The following SMIM14 variants were observed in gnomAD, a reference collection of about 807,000 sequenced individuals.
The protein encoded by SMIM14 is chromosome 4 open reading frame 34.
A neutral mutation model predicts 12.6 loss-of-function variants in SMIM14; 5 were observed. That is an observed-to-expected ratio of 0.40 (90% CI 0.21 to 0.83). The LOEUF (loss-of-function observed/expected upper bound fraction) is 0.83. Among genes scored for constraint, SMIM14 ranks in the 40% least tolerant of loss-of-function variants. SMIM14 has a pLI of 0.37. For missense variants in SMIM14, 86 were observed against 119.1 expected (o/e 0.72, Z 1.29); for synonymous variants, 30 against 40.1 (o/e 0.75, Z 0.95).
rs375724039 is a variant in SMIM14, at chr4:39,564,950, G to A, written c.124+7465C>T. ...GATTAAGCTGGGTGTGGTGGCTCAC[G>A]CCTGTAATCCCAGCACTTTGGGAAG... On this transcript the variant is annotated intron_variant, in intron 3 of 4. Coordinates refer to ENST00000295958, the MANE Select transcript of SMIM14 (RefSeq NM_174921.3). 2.2e-4 allele frequency among the ~76,000 whole-genome samples: 33 copies of A among 152,238 alleles called. 1 individual carries two copies. In the East Asian group the frequency reaches 4.6e-3, roughly 21 times the overall value.
At chr4:39,578,554 CA>C (rs1479413276) in intron 2 of SMIM14, among the ~76,000 whole-genome samples, 1 of 152,088 alleles carries the variant, frequency 6.6e-6, no homozygotes, top group East Asian at 1.9e-4. Context: ...GGATGGGTGC[CA>C]CATGTGGACA....
chr4:39,583,710 T>TTTTTCTAACACA (rs1349354833), intron 2 of SMIM14, among the ~76,000 whole-genome samples: 1 of 152,110 alleles, frequency 6.6e-6, no homozygotes, highest in African/African-American at 2.4e-5. Flanking sequence ...CGTGTACACA[T>TTTTTCTAACACA]TTTTCTAACA....
rs150449121 is a variant in SMIM14 at position 39,610,052 on chromosome 4, G to A, written c.-35-4872C>T. 3.1e-3 allele frequency among the ~76,000 whole-genome samples: 476 copies of A among 152,242 alleles called. 3 individuals carry two copies. The highest frequency in any genetic ancestry group is 0.011 in the African/African-American group (450 of 41,534). On this transcript the variant is annotated intron_variant, in intron 1 of 4. Transcript: ENST00000295958. ...GTCACCCAGGTGGGAGTGCAGTGGC[G>A]CGAACACACCTCACTGCAGCCTCAA...
At chr4:39,625,468 G>A (rs1010723101) in intron 1 of SMIM14, among the ~76,000 whole-genome samples, 1 of 151,580 alleles carries the variant, frequency 6.6e-6, no homozygotes, top group Admixed American at 6.6e-5. Flanking sequence ...TTGAGACGGA[G>A]TCTTGCTCTG....
At chr4:39,620,435 G>A (rs745751107) in intron 1 of SMIM14, among the ~76,000 whole-genome samples, 4 of 152,036 alleles carry the variant, frequency 2.6e-5, no homozygotes, top group Non-Finnish European at 4.4e-5. Context: ...GCCGGAGATC[G>A]CGCCACTGCA....
At chr4:39,619,854 ATATATTTATATATATATATATAT>A (rs1560307286) in intron 1 of SMIM14, among the ~76,000 whole-genome samples, 5 of 60,240 alleles carry the variant, frequency 8.3e-5, no homozygotes, top group East Asian at 7.5e-4. Flanking sequence ...ATATATTTAT[ATATATTTATATATATATATATAT>A]TTTTTTTTTT....
intron 1 of SMIM14, among the ~76,000 whole-genome samples, chr4:39,628,321 G>GA (rs1293905159): frequency 5.5e-5 from 8 of 145,384 alleles, no homozygotes; most frequent in Non-Finnish European, 1.1e-4. Context: ...AAAAAAAAAA[G>GA]AAAAAAAATT....
chr4:39,550,068 T>C lies in SMIM14; in HGVS notation c.*2058A>G, dbSNP rs1050827404. ...AAGGGGGGAAAATACCTTATGAGTATCACAATTGTATCAGAGACTATTAAA... is the reference window on the plus strand; with the variant it reads ...AAGGGGGGAAAATACCTTATGAGTACCACAATTGTATCAGAGACTATTAAA... On this transcript the variant is annotated 3_prime_UTR_variant, in exon 5 of 5. Transcript: ENST00000295958. 1 of 152,122 alleles carries C rather than the reference T, an allele frequency of 6.6e-6. No homozygotes were observed. Among genetic ancestry groups the C allele is most frequent in the Non-Finnish European group, 1.5e-5 (1 of 68,022 alleles). The allele number at this position is 152,122 out of a possible 1,614,324, so 9.4% of individuals were successfully genotyped here. A position where few individuals can be genotyped will look rare whatever the true frequency, so the allele number is the denominator to read the frequency against.
At chr4:39,628,340 G>C (rs533509824) in intron 1 of SMIM14, among the ~76,000 whole-genome samples, 1 of 150,428 alleles carries the variant, frequency 6.6e-6, no homozygotes, top group South Asian at 2.1e-4. Context: ...TTCTACCCAA[G>C]AATATTTACT....
At position 39,597,082 on chromosome 4, in the gene SMIM14, TC is replaced by T. The variant is rs200179857; in HGVS notation, c.75+7988del. Among the ~76,000 whole-genome samples, 907 of 142,718 alleles carry T rather than the reference TC, an allele frequency of 6.4e-3. 17 individuals are homozygous for T. Among genetic ancestry groups the T allele is most frequent in the African/African-American group, 0.019 (750 of 38,638 alleles). 93.6% of individuals were successfully genotyped at this position (142,718 alleles called of 152,430 possible). A position where few individuals can be genotyped will look rare whatever the true frequency, so the allele number is the denominator to read the frequency against. ...TGAGCCACGGTGCCCGGCCCAGGTT[TC>T]CCTTTTTTTTTTTTTTTTTTTTTAG... On this transcript the variant is annotated intron_variant, in intron 2 of 4. Coordinates refer to ENST00000295958, the MANE Select transcript of SMIM14 (RefSeq NM_174921.3).
chr4:39,609,523 A>G (rs1404658495), intron 1 of SMIM14, among the ~76,000 whole-genome samples: 1 of 152,152 alleles, frequency 6.6e-6, no homozygotes, highest in Non-Finnish European at 1.5e-5. Context: ...ACAAAGGGAA[A>G]AGAAGTACAA....
intron 1 of SMIM14, among the ~76,000 whole-genome samples, chr4:39,622,193 C>G (rs1228368276): frequency 1.3e-5 from 2 of 151,104 alleles, no homozygotes; most frequent in South Asian, 4.2e-4. Context: ...ACGCCATTCT[C>G]CTGCCTCAGC....
At chr4:39,611,382 C>T (rs911713743) in intron 1 of SMIM14, among the ~76,000 whole-genome samples, 105 of 151,896 alleles carry the variant, frequency 6.9e-4, no homozygotes, top group Admixed American at 2.8e-3. Context: ...GGCAGGTACC[C>T]GTAATCCCAG....
intron 2 of SMIM14, among the ~76,000 whole-genome samples, chr4:39,586,970 T>G (rs1265847439): frequency 6.6e-6 from 1 of 151,970 alleles, no homozygotes; most frequent in East Asian, 1.9e-4. Flanking sequence ...TCATCTCTTT[T>G]CTGTCTCTTC....
At chr4:39,586,653 G>A (rs1247384763) in intron 2 of SMIM14, among the ~76,000 whole-genome samples, 1 of 151,966 alleles carries the variant, frequency 6.6e-6, no homozygotes, top group African/African-American at 2.4e-5. Context: ...ATATCAGCTT[G>A]TTCTAGCATG....
chr4:39,547,713 C>T lies in SMIM14; in HGVS notation c.*4413G>A, dbSNP rs1747394842. 1 of 152,070 alleles carries T rather than the reference C, an allele frequency of 6.6e-6. No individual in the cohort carries two copies. Among genetic ancestry groups the T allele is most frequent in the Admixed American group, 6.6e-5 (1 of 15,242 alleles). 9.4% of individuals were successfully genotyped at this position (152,070 alleles called of 1,614,324 possible). A position where few individuals can be genotyped will look rare whatever the true frequency, so the allele number is the denominator to read the frequency against. On this transcript the variant is annotated 3_prime_UTR_variant, in exon 5 of 5. Coordinates refer to ENST00000295958, the MANE Select transcript of SMIM14 (RefSeq NM_174921.3). ...GACTTTCATTTAGAGTGATAGACTT[C>T]CAAGGTTCCTTTGAAAATTTAAGAT...
At chr4:39,569,709 C>G (rs1033634137) in intron 3 of SMIM14, among the ~76,000 whole-genome samples, 3 of 151,434 alleles carry the variant, frequency 2.0e-5, no homozygotes, top group Non-Finnish European at 2.9e-5. Context: ...TGCACTCCAG[C>G]CTGGGCGACA....
At chr4:39,582,387 G>A (rs572193472) in intron 2 of SMIM14, among the ~76,000 whole-genome samples, 9 of 152,070 alleles carry the variant, frequency 5.9e-5, no homozygotes, top group East Asian at 1.9e-4. Flanking sequence ...GGTCTTGGCC[G>A]GGCACGGTGG....
intron 1 of SMIM14, among the ~76,000 whole-genome samples, chr4:39,631,838 A>G (rs2109258154): frequency 6.6e-6 from 1 of 152,224 alleles, no homozygotes; most frequent in East Asian, 1.9e-4. Context: ...CAATGAGTGC[A>G]GTCAGGCATA....
Sources: gnomAD v4.1 joint callset for allele counts (sites outside exome capture counted in the v4.1 genomes callset) on GRCh38, gnomAD v4.1.1 for gene constraint, MANE v1.5 for transcripts, NCBI Gene and HGNC (gene_info 2026-07-23, HGNC 2026-07-21) for gene names.